The following ASIC2 variants were observed in gnomAD, a reference collection of about 807,000 sequenced individuals.
The protein encoded by ASIC2 is acid sensing ion channel subunit 2.
A neutral mutation model predicts 57.3 loss-of-function variants in ASIC2; 25 were observed. The ratio of observed to expected loss-of-function variants is 0.44; its 90% CI spans 0.32 to 0.61. ASIC2 has a LOEUF of 0.61. ASIC2 is among the 20% of genes least tolerant of loss of function. The pLI is 0.06. For synonymous variants in ASIC2, 319 were observed against 307.5 expected (o/e 1.04, Z -0.39); for missense variants, 641 against 738.1 (o/e 0.87, Z 1.52).
At chr17:33,116,888 C>T (rs940024117) in intron 1 of ASIC2, among the ~76,000 whole-genome samples, 15 of 151,660 alleles carry the variant, frequency 9.9e-5, no homozygotes, top group African/African-American at 3.6e-4. Context: ...CTTGCTTTGT[C>T]ACCCAGGCTG....
At chr17:34,004,560 A>G (rs1218378749) in intron 1 of ASIC2, 2 of 152,238 alleles carry the variant, frequency 1.3e-5, no homozygotes, top group Non-Finnish European at 2.9e-5. Flanking sequence ...CTATATTCAG[A>G]GAGACCTGAC....
chr17:33,304,548 G>A (rs1906091533), intron 1 of ASIC2, among the ~76,000 whole-genome samples: 1 of 152,186 alleles, frequency 6.6e-6, no homozygotes, highest in Admixed American at 6.5e-5. Context: ...GTAAAAGTGA[G>A]CCACAGATGC....
At chr17:33,105,462 T>G (rs907494642) in intron 2 of ASIC2, among the ~76,000 whole-genome samples, 1 of 152,234 alleles carries the variant, frequency 6.6e-6, no homozygotes, top group Non-Finnish European at 1.5e-5. Flanking sequence ...TTTTTATTTA[T>G]GAATTACCCA....
intron 1 of ASIC2, among the ~76,000 whole-genome samples, chr17:34,116,888 G>C (rs763788719): frequency 2.0e-5 from 3 of 152,208 alleles, no homozygotes; most frequent in Middle Eastern, 3.4e-3. Flanking sequence ...GTGTGTGTGT[G>C]GGTGGGTGGG....
chr17:33,106,075 G>A (rs755640477), intron 2 of ASIC2, among the ~76,000 whole-genome samples: 9 of 152,192 alleles, frequency 5.9e-5, no homozygotes, highest in Non-Finnish European at 1.0e-4. Context: ...GAGGCAGTGA[G>A]TCATGTGGAT....
At chr17:33,781,486 G>A (rs1911452770) in intron 1 of ASIC2, among the ~76,000 whole-genome samples, 1 of 152,170 alleles carries the variant, frequency 6.6e-6, no homozygotes, top group Non-Finnish European at 1.5e-5. Flanking sequence ...GAGGTAGGGT[G>A]AACAGTCACT....
At chr17:33,790,221 G>A (rs1447637848) in intron 1 of ASIC2, among the ~76,000 whole-genome samples, 3 of 152,144 alleles carry the variant, frequency 2.0e-5, no homozygotes, top group East Asian at 1.9e-4. Context: ...TGGACACATA[G>A]CAGTATAATA....
chr17:33,579,119 T>C (rs989930151), intron 1 of ASIC2, among the ~76,000 whole-genome samples: 3 of 151,878 alleles, frequency 2.0e-5, no homozygotes, highest in Admixed American at 2.0e-4. Context: ...ACCCCGTCTC[T>C]ACTAAAAATA....
chr17:34,054,055 G>T (rs146757786), intron 1 of ASIC2, among the ~76,000 whole-genome samples: 5 of 152,236 alleles, frequency 3.3e-5, no homozygotes, highest in Non-Finnish European at 5.9e-5. Context: ...CATAAGTACC[G>T]CAAACCTGCA....
At position 33,873,244 on chromosome 17, in the gene ASIC2, C is replaced by G. The variant is rs149743143; in HGVS notation, c.555+282734G>C. ...GACGACAAAGATAAGGATTATCCCC[C>G]TTCCCAGTAACAGAACAGTATGATG... On this transcript the variant is annotated intron_variant, in intron 1 of 9. Transcript: ENST00000359872. Among the ~76,000 whole-genome samples the G allele has an allele frequency of 1.6e-4, 24 of 152,312 alleles. No individual in the cohort carries two copies. In the East Asian group the frequency reaches 4.6e-3, roughly 29 times the overall value.
intron 1 of ASIC2, among the ~76,000 whole-genome samples, chr17:34,147,851 G>T (rs765739243): frequency 1.8e-4 from 28 of 152,050 alleles, no homozygotes; most frequent in Non-Finnish European, 3.2e-4. Flanking sequence ...GAGGGAATGG[G>T]GTGCGTGGCA....
At chr17:33,712,861 G>A (rs1175396159) in intron 1 of ASIC2, among the ~76,000 whole-genome samples, 3 of 151,698 alleles carry the variant, frequency 2.0e-5, no homozygotes, top group Admixed American at 2.0e-4. Flanking sequence ...TAGCCGGGAT[G>A]GTCTCGATCT....
At chr17:33,096,745 T>C (rs2092181437) in intron 2 of ASIC2, among the ~76,000 whole-genome samples, 1 of 152,076 alleles carries the variant, frequency 6.6e-6, no homozygotes, top group Admixed American at 6.6e-5. Flanking sequence ...GAAAGGCCTG[T>C]TCAAGGTGAG....
intron 1 of ASIC2, among the ~76,000 whole-genome samples, chr17:33,841,484 T>C (rs978198235): frequency 3.3e-5 from 5 of 152,198 alleles, no homozygotes; most frequent in African/African-American, 1.2e-4. Flanking sequence ...CAAATTACAA[T>C]GAGTGCACAT....
chr17:33,580,152 C>T (rs915888632), intron 1 of ASIC2: 2 of 152,178 alleles, frequency 1.3e-5, no homozygotes, highest in African/African-American at 4.8e-5. Flanking sequence ...AAGTTGACCA[C>T]CAGACCACTT....
At chr17:33,578,917 T>C (rs545230300) in intron 1 of ASIC2, among the ~76,000 whole-genome samples, 69 of 152,264 alleles carry the variant, frequency 4.5e-4, no homozygotes, top group Non-Finnish European at 6.5e-4. Flanking sequence ...AAAAGATGGA[T>C]GGGGTCAGAA....
intron 1 of ASIC2, among the ~76,000 whole-genome samples, chr17:33,464,508 CTTTCTTTCTTTCTT>C (rs1912764558): frequency 2.5e-5 from 1 of 40,114 alleles, no homozygotes; most frequent in Non-Finnish European, 5.3e-5. Context: ...TTCTTTCTTT[CTTTCTTTCTTTCTT>C]TCTTTCTTTC....
At chr17:33,464,448 C>T (rs553535149) in intron 1 of ASIC2, among the ~76,000 whole-genome samples, 1 of 110,504 alleles carries the variant, frequency 9.0e-6, no homozygotes, top group South Asian at 3.6e-4. Flanking sequence ...TCTACACATG[C>T]CTCTTTTTCT....
At chr17:33,837,782 C>A (rs192236703) in intron 1 of ASIC2, among the ~76,000 whole-genome samples, 7 of 152,256 alleles carry the variant, frequency 4.6e-5, no homozygotes, top group Admixed American at 3.9e-4. Context: ...TAACTTCTGG[C>A]CTCCTCCATA....
Sources: allele counts gnomAD v4.1 joint callset (sites outside exome capture counted in the v4.1 genomes callset), GRCh38; gene constraint gnomAD v4.1.1; transcripts MANE v1.5; gene names NCBI Gene and HGNC (gene_info 2026-07-23, HGNC 2026-07-21).